MTUS1: variants seen among roughly 807,000 people sequenced by gnomAD.
MTUS1 encodes microtubule-associated tumor suppressor 1.
In MTUS1, 109 loss-of-function variants were observed where a neutral mutation model predicts 120.8. The observed-to-expected ratio is 0.90, with a 90% CI of 0.77 to 1.06. MTUS1 has a LOEUF of 1.06. Among genes scored for constraint, MTUS1 ranks in the 50% least tolerant of loss-of-function variants. The pLI is 0.00. For synonymous variants in MTUS1, 737 were observed against 550.5 expected, an observed-to-expected ratio of 1.34 and a Z score of -4.74; for missense variants, 2,210 against 1,486.3, an observed-to-expected ratio of 1.49 and a Z score of -8.01.
At chr8:17,695,839 T>G (rs1585756524) in intron 6 of MTUS1, among the ~76,000 whole-genome samples, 1 of 152,174 alleles carries the variant, frequency 6.6e-6, no homozygotes, top group African/African-American at 2.4e-5. Context: ...GATTTACATG[T>G]GACTGGAAAC....
intron 1 of MTUS1, among the ~76,000 whole-genome samples, chr8:17,786,792 G>A (rs2073698): frequency 0.24 from 37,102 of 151,944 alleles, 6,431 homozygotes; most frequent in African/African-American, 0.46. Context: ...AAGAGTTAAG[G>A]TGCTACGTTA....
intron 12 of MTUS1, among the ~76,000 whole-genome samples, chr8:17,650,734 T>C (rs1181667212): frequency 1.3e-5 from 2 of 152,292 alleles, no homozygotes; most frequent in East Asian, 1.9e-4. Context: ...CCAAAATAAA[T>C]GCTACATCAG....
intron 8 of MTUS1, among the ~76,000 whole-genome samples, chr8:17,659,892 C>T (rs1427108867): frequency 6.6e-6 from 1 of 152,150 alleles, no homozygotes; most frequent in Non-Finnish European, 1.5e-5. Context: ...CCCTCCCCTT[C>T]CCCAAGGCCC....
At position 17,766,307 on chromosome 8, in the gene MTUS1, C is replaced by A. The variant is rs190818079; in HGVS notation, c.-154-10346G>T. On this transcript the variant is annotated intron_variant, in intron 1 of 14. Transcript: ENST00000693296. ...ATCACATGTGAGTACACCCAGTACA[C>A]AAGTAATCATCATCCTTAATGAGAA... 5.7e-4 allele frequency among the ~76,000 whole-genome samples: 87 copies of A among 152,296 alleles called. 1 individual carries two copies. Among genetic ancestry groups the A allele is most frequent in the African/African-American group, 2.0e-3 (85 of 41,576 alleles).
Position 17,755,180 on chromosome 8 carries a change from A to C in MTUS1, c.628T>G (p.Ser210Ala). Residue 210 changes from serine (S) to alanine (A), a missense_variant, in exon 2 of 15, where the codon TCT becomes GCT. By Grantham distance (99) the Ser-to-Ala change is moderately conservative. Coordinates refer to ENST00000693296, the MANE Select transcript of MTUS1 (RefSeq NM_001363059.2). The part of the protein sequence containing the change: ...TSSLSYSTWT[S>A]SHSDKTHARE... ...GCATGCGTCTTATCAGAATGGGAAG[A>C]TGTCCAAGTGGAATAGGATAAAGAA... is the stretch of plus-strand genomic sequence containing the variant. 2 of 1,614,206 alleles carry C rather than the reference A, an allele frequency of 1.2e-6. No individual in the cohort carries two copies. Among genetic ancestry groups the C allele is most frequent in the East Asian group, 4.5e-5 (2 of 44,882 alleles).
chr8:17,775,385 G>A (rs577402157), intron 1 of MTUS1, among the ~76,000 whole-genome samples: 4 of 152,030 alleles, frequency 2.6e-5, no homozygotes, highest in Non-Finnish European at 4.4e-5. Flanking sequence ...TACCACCTCC[G>A]GGATCCTGAA....
chr8:17,775,549 T>C (rs954461642), intron 1 of MTUS1, among the ~76,000 whole-genome samples: 4 of 152,250 alleles, frequency 2.6e-5, no homozygotes, highest in Admixed American at 2.0e-4. Flanking sequence ...TGTGTACATA[T>C]GAACAAGTTT....
chr8:17,712,855 G>A (rs1691733042), intron 6 of MTUS1, among the ~76,000 whole-genome samples: 1 of 151,992 alleles, frequency 6.6e-6, no homozygotes, highest in South Asian at 2.1e-4. Flanking sequence ...CTGCTGAACT[G>A]GGAAAAGGTG....
chr8:17,773,767 T>C (rs898509733), intron 1 of MTUS1, among the ~76,000 whole-genome samples: 3 of 152,022 alleles, frequency 2.0e-5, no homozygotes, highest in Admixed American at 6.6e-5. Context: ...ATTCAAATCA[T>C]AGCAATGGAG....
chr8:17,653,310 G>C (rs1807447025), intron 11 of MTUS1, 29 bp from the exon 12 acceptor site: 2 of 1,498,636 alleles, frequency 1.3e-6, no homozygotes, highest in Non-Finnish European at 9.0e-7. Context: ...TGGAACTTAA[G>C]TTAACAAGAA....
At chr8:17,650,953 G>C (rs1032457643) in intron 12 of MTUS1, among the ~76,000 whole-genome samples, 1 of 152,206 alleles carries the variant, frequency 6.6e-6, no homozygotes, top group Non-Finnish European at 1.5e-5. Flanking sequence ...CGGGGCATTG[G>C]TTTCTGCTCT....
At position 17,721,886 on chromosome 8, in the gene MTUS1, C is replaced by T. The variant is rs757869722; in HGVS notation, c.2449+1786G>A. ...TCAGTTTCTGTACAACTGCGAAATC[C>T]TCCTGGTACAGTCATTTAAAAGGAT... On this transcript the variant is annotated intron_variant, in intron 4 of 14. Transcript: ENST00000693296. 5.0e-6 allele frequency: 8 copies of T among 1,613,622 alleles called. No homozygotes were observed. The South Asian group carries it at 8.8e-5, about 18-fold the overall frequency.
At chr8:17,784,158 T>C (rs1203663431) in intron 1 of MTUS1, among the ~76,000 whole-genome samples, 1 of 152,328 alleles carries the variant, frequency 6.6e-6, no homozygotes, top group African/African-American at 2.4e-5. Flanking sequence ...TTCCTATAGC[T>C]TAGCCGTTAT....
intron 6 of MTUS1, among the ~76,000 whole-genome samples, chr8:17,702,692 A>G (rs926790189): frequency 5.3e-5 from 8 of 152,204 alleles, no homozygotes; most frequent in Non-Finnish European, 7.3e-5. Flanking sequence ...GTATCACAGC[A>G]TATGGCAGGA....
chr8:17,650,333 T>A (rs1414446774), intron 12 of MTUS1, among the ~76,000 whole-genome samples: 1 of 152,200 alleles, frequency 6.6e-6, no homozygotes, highest in East Asian at 1.9e-4. Flanking sequence ...AGTTCTCTCC[T>A]ACCAAACAAA....
intron 1 of MTUS1, among the ~76,000 whole-genome samples, chr8:17,794,191 G>C (rs1374043660): frequency 1.3e-5 from 2 of 152,086 alleles, no homozygotes; most frequent in Non-Finnish European, 2.9e-5. Context: ...AGACGGGCGT[G>C]GTGGTGCATG....
chr8:17,700,751 T>A (rs1392339988), intron 6 of MTUS1, among the ~76,000 whole-genome samples: 1 of 152,100 alleles, frequency 6.6e-6, no homozygotes, highest in Non-Finnish European at 1.5e-5. Flanking sequence ...GTTAGAATAA[T>A]TTTATAGAAA....
chr8:17,764,039 G>C (rs761902248), intron 1 of MTUS1, among the ~76,000 whole-genome samples: 1 of 152,172 alleles, frequency 6.6e-6, no homozygotes, highest in Non-Finnish European at 1.5e-5. Flanking sequence ...CCAGATCTCA[G>C]CGAGCAAGAA....
At chr8:17,690,793 T>C (rs1312652380) in intron 6 of MTUS1, among the ~76,000 whole-genome samples, 1 of 152,160 alleles carries the variant, frequency 6.6e-6, no homozygotes, top group African/African-American at 2.4e-5. Flanking sequence ...CAGAGCCACA[T>C]AATTGCTGAT....
Sources: allele counts gnomAD v4.1 joint callset (sites outside exome capture counted in the v4.1 genomes callset), GRCh38; gene constraint gnomAD v4.1.1; transcripts MANE v1.5; gene names NCBI Gene and HGNC (gene_info 2026-07-23, HGNC 2026-07-21).